JAM2: variants seen among roughly 807,000 people sequenced by gnomAD.
JAM2 encodes the protein junctional adhesion molecule B.
Under a neutral mutation model 42.0 loss-of-function variants are expected in JAM2, and 17 were observed. The observed-to-expected ratio is 0.40, with a 90% CI of 0.28 to 0.61. JAM2 has a LOEUF of 0.61. JAM2 is among the 20% of genes least tolerant of loss of function. The pLI, the probability that JAM2 is intolerant of heterozygous loss-of-function variation, is 0.37. For missense variants in JAM2, 319 were observed against 358.3 expected (o/e 0.89, Z 0.89); for synonymous variants, 118 against 128.6 (o/e 0.92, Z 0.56).
At chr21:25,649,232 T>C (rs868094415) in intron 1 of JAM2, among the ~76,000 whole-genome samples, 1 of 152,228 alleles carries the variant, frequency 6.6e-6, no homozygotes, top group Non-Finnish European at 1.5e-5. Flanking sequence ...GTTCTCACGC[T>C]GCTGTAAAGG....
rs890055168 is a variant in JAM2, at chr21:25,717,118, A to T, written c.*2446A>T. 6.6e-6 allele frequency: 1 copy of T among 152,534 alleles called. No individual in the cohort carries two copies. The highest frequency in any genetic ancestry group is 1.5e-5 in the Non-Finnish European group (1 of 68,304). The allele number at this position is 152,534 out of a possible 1,614,324, so 9.4% of individuals were successfully genotyped here. On this transcript the variant is annotated 3_prime_UTR_variant, in exon 10 of 10. Transcript: ENST00000480456. ...TCAAATATATATTGTACATTACCTT[A>T]AACTATTGTAATAGCTAGGTAAAAA...
intron 1 of JAM2, among the ~76,000 whole-genome samples, chr21:25,652,654 T>G (rs1272090232): frequency 2.0e-5 from 3 of 152,218 alleles, no homozygotes; most frequent in African/African-American, 7.2e-5. Context: ...GAAATTAAGA[T>G]TTTTAGTGTA....
chr21:25,667,127 C>T (rs1167534736), intron 1 of JAM2, among the ~76,000 whole-genome samples: 1 of 152,154 alleles, frequency 6.6e-6, no homozygotes. Flanking sequence ...CAACCACAGT[C>T]GAAAAATACT....
chr21:25,715,852 A>C lies in JAM2; in HGVS notation c.*1180A>C, dbSNP rs2034467734. 1 of 152,222 alleles carries C rather than the reference A, an allele frequency of 6.6e-6. No homozygotes were observed. The highest frequency in any genetic ancestry group is 2.1e-4 in the South Asian group (1 of 4,834). 9.4% of individuals were successfully genotyped at this position (152,222 alleles called of 1,614,324 possible). On this transcript the variant is annotated 3_prime_UTR_variant, in exon 10 of 10. Transcript: ENST00000480456. ...TATGTTAAAAATTCATATCATTTGT[A>C]ACTTCTTTTAATTACTGAATTGATA...
In JAM2 at chr21:25,650,063, T is replaced by C. The variant is rs191024669; in HGVS notation, c.67+10175T>C. Among the ~76,000 whole-genome samples, 239 of 152,314 alleles carry C rather than the reference T, an allele frequency of 1.6e-3. 1 individual carries two copies. The highest frequency in any genetic ancestry group is 2.5e-3 in the Admixed American group (38 of 15,296). ...TTCTGTGAGAATTAACCCAGTCCTA[T>C]GAGAATGGGACTAATATCTTCGTGA... is the stretch of plus-strand genomic sequence containing the variant. On this transcript the variant is annotated intron_variant, in intron 1 of 9. Transcript: ENST00000480456.
chr21:25,711,296 T>C (rs746302413), intron 8 of JAM2: 2 of 364,662 alleles, frequency 5.5e-6, no homozygotes, highest in Non-Finnish European at 1.1e-5. Context: ...GTACATGAAA[T>C]ATGGGTGAGC....
intron 3 of JAM2, among the ~76,000 whole-genome samples, chr21:25,691,381 C>T (rs2033877733): frequency 1.3e-5 from 2 of 152,062 alleles, no homozygotes; most frequent in African/African-American, 4.8e-5. Context: ...AGCCATTGTA[C>T]CTGCCTAATT....
At chr21:25,713,286 C>T (rs2034418597) in intron 9 of JAM2, among the ~76,000 whole-genome samples, 1 of 152,186 alleles carries the variant, frequency 6.6e-6, no homozygotes, top group African/African-American at 2.4e-5. Flanking sequence ...TTACCTAACT[C>T]AGAGGTTTTA....
At chr21:25,650,647 A>G (rs1433518611) in intron 1 of JAM2, among the ~76,000 whole-genome samples, 18 of 152,244 alleles carry the variant, frequency 1.2e-4, no homozygotes, top group Admixed American at 1.2e-3. Context: ...TTAATCATAA[A>G]ACATATAATA....
At chr21:25,648,980 G>C (rs550571333) in intron 1 of JAM2, among the ~76,000 whole-genome samples, 1 of 152,264 alleles carries the variant, frequency 6.6e-6, no homozygotes, top group African/African-American at 2.4e-5. Flanking sequence ...TAATATTACT[G>C]CTCCTAAAAC....
chr21:25,675,505 AAGAGAGAGAGG>A (rs1457345402), intron 1 of JAM2, among the ~76,000 whole-genome samples: 1 of 150,776 alleles, frequency 6.6e-6, no homozygotes, highest in Non-Finnish European at 1.5e-5. Context: ...CAGAAAAAGA[AAGAGAGAGAGG>A]AGAGAGAGAG....
At chr21:25,656,615 A>G (rs2032946174) in intron 1 of JAM2, among the ~76,000 whole-genome samples, 1 of 152,184 alleles carries the variant, frequency 6.6e-6, no homozygotes, top group Admixed American at 6.6e-5. Flanking sequence ...CATTGTAGCC[A>G]TTTGTGTCAG....
intron 1 of JAM2, among the ~76,000 whole-genome samples, chr21:25,642,648 T>C (rs1215881389): frequency 6.6e-6 from 1 of 152,196 alleles, no homozygotes; most frequent in Admixed American, 6.5e-5. Flanking sequence ...TGTTGATATA[T>C]GGATATTTTT....
At chr21:25,693,994 C>A in intron 4 of JAM2, 86 bp downstream of exon 4, 1 of 1,281,768 alleles carries the variant, frequency 7.8e-7, no homozygotes. Flanking sequence ...GGTCCATAAA[C>A]ATGCCAGCAT....
chr21:25,639,524 C>A lies in JAM2; in HGVS notation c.-298C>A. On this transcript the variant is annotated 5_prime_UTR_variant, in exon 1 of 10. Transcript: ENST00000480456. ...CGCTGCTCTCCTCCTGCTGCCCCCT[C>A]GCTAGGACCCGGCGGACGCCTCGTC... The A allele has an allele frequency of 3.1e-6, 1 of 326,086 alleles. No homozygotes were observed. Among genetic ancestry groups the A allele is most frequent in the East Asian group, 4.9e-5 (1 of 20,606 alleles). The allele number at this position is 326,086 out of a possible 1,614,324, so 20.2% of individuals were successfully genotyped here.
At chr21:25,665,812 G>T (rs894216841) in intron 1 of JAM2, among the ~76,000 whole-genome samples, 1 of 152,038 alleles carries the variant, frequency 6.6e-6, no homozygotes, top group African/African-American at 2.4e-5. Context: ...AGGCCGAGGC[G>T]GGTGGATTAC....
chr21:25,711,241 TAG>T, intron 8 of JAM2: 2 of 294,870 alleles, frequency 6.8e-6, no homozygotes, highest in South Asian at 5.7e-5. Context: ...ATTCAAAATC[TAG>T]AGTTTGGGGA....
At position 25,666,980 on chromosome 21, in the gene JAM2, A is replaced by C. The variant is rs8128376; in HGVS notation, c.68-16903A>C. 6.0e-3 allele frequency among the ~76,000 whole-genome samples: 917 copies of C among 152,340 alleles called. 18 individuals carry two copies. Among genetic ancestry groups the C allele is most frequent in the African/African-American group, 0.021 (886 of 41,562 alleles). ...TCTGCACAGTAATGTCTTTTGTGTC[A>C]GAATTGGCTACTTCAAAATCTTTTG... is the stretch of plus-strand genomic sequence containing the variant. On this transcript the variant is annotated intron_variant, in intron 1 of 9. Coordinates refer to ENST00000480456, the MANE Select transcript of JAM2 (RefSeq NM_021219.4).
chr21:25,680,651 G>A (rs752949454), intron 1 of JAM2, among the ~76,000 whole-genome samples: 5 of 152,248 alleles, frequency 3.3e-5, no homozygotes, highest in Non-Finnish European at 7.3e-5. Context: ...AATTTCAAGA[G>A]ACAGATTGGA....
Sources: allele counts gnomAD v4.1 joint callset (sites outside exome capture counted in the v4.1 genomes callset), GRCh38; gene constraint gnomAD v4.1.1; transcripts MANE v1.5; gene names NCBI Gene and HGNC (gene_info 2026-07-23, HGNC 2026-07-21).